Variants in PRIMA1 observed in about 807,000 individuals in gnomAD.
The protein encoded by PRIMA1 is proline-rich membrane anchor 1.
Under a neutral mutation model 17.5 loss-of-function variants are expected in PRIMA1, and 7 were observed. That is an observed-to-expected ratio of 0.40 (90% CI 0.23 to 0.75). The LOEUF (loss-of-function observed/expected upper bound fraction) is 0.75. Among genes scored for constraint, PRIMA1 ranks in the 30% least tolerant of loss-of-function variants. PRIMA1 has a pLI of 0.37. For synonymous variants in PRIMA1, 97 were observed against 77.9 expected (o/e 1.25, Z -1.29); for missense variants, 200 against 201.8 (o/e 0.99, Z 0.05).
At chr14:93,749,307 TTGA>T (rs2076246324) in intron 3 of PRIMA1, among the ~76,000 whole-genome samples, 1 of 152,194 alleles carries the variant, frequency 6.6e-6, no homozygotes, top group South Asian at 2.1e-4. Context: ...CCTCGCTGCC[TTGA>T]TGACTCCTCC....
At chr14:93,729,743 T>C (rs1431627361) in intron 4 of PRIMA1, among the ~76,000 whole-genome samples, 1 of 152,200 alleles carries the variant, frequency 6.6e-6, no homozygotes, top group Admixed American at 6.5e-5. Context: ...AGGAGGTAGA[T>C]GGCGGAGCTG....
At chr14:93,739,694 C>G (rs1036321656) in intron 3 of PRIMA1, among the ~76,000 whole-genome samples, 1 of 152,122 alleles carries the variant, frequency 6.6e-6, no homozygotes, top group African/African-American at 2.4e-5. Context: ...TATGTGCTTC[C>G]TAGTGAACCA....
intron 3 of PRIMA1, among the ~76,000 whole-genome samples, chr14:93,739,527 A>G (rs1358908317): frequency 1.3e-5 from 2 of 152,206 alleles, no homozygotes; most frequent in East Asian, 3.8e-4. Flanking sequence ...TGTGTGTATG[A>G]TAAACTTTAG....
At chr14:93,734,664 A>AC (rs1370671641) in intron 4 of PRIMA1, among the ~76,000 whole-genome samples, 2 of 118,390 alleles carry the variant, frequency 1.7e-5, no homozygotes, top group Admixed American at 1.8e-4. Flanking sequence ...CACCACCCAC[A>AC]CCCCTGGAAG....
intron 3 of PRIMA1, among the ~76,000 whole-genome samples, chr14:93,764,429 C>A (rs930329293): frequency 1.3e-5 from 2 of 151,774 alleles, no homozygotes; most frequent in Admixed American, 1.3e-4. Context: ...CATGTTCTGC[C>A]CCCCCGCCCC....
Position 93,720,112 on chromosome 14 carries a change from A to C in PRIMA1, c.*1332T>G, listed in dbSNP as rs1368366638. On this transcript the variant is annotated 3_prime_UTR_variant, in exon 5 of 5. Coordinates refer to ENST00000393140, the MANE Select transcript of PRIMA1 (RefSeq NM_178013.4). ...GCTCGACAGTGGAACCATTCAATGC[A>C]TTGGGCTCCTTCTGAGCACATATGT... 5.3e-5 allele frequency: 8 copies of C among 152,294 alleles called. No homozygotes were observed. Among genetic ancestry groups the C allele is most frequent in the Non-Finnish European group, 1.0e-4 (7 of 68,080 alleles). 9.4% of individuals were successfully genotyped at this position (152,294 alleles called of 1,614,324 possible).
intron 4 of PRIMA1, among the ~76,000 whole-genome samples, chr14:93,729,647 T>C (rs891794650): frequency 1.3e-5 from 2 of 152,150 alleles, no homozygotes; most frequent in Non-Finnish European, 2.9e-5. Flanking sequence ...ACTCTGCAGA[T>C]CAGCTGAAGG....
rs1885419323 is a variant in PRIMA1 at position 93,782,755 on chromosome 14, G to C, written c.94-3444C>G. Among the ~76,000 whole-genome samples, 3 of 152,208 alleles carry C rather than the reference G, an allele frequency of 2.0e-5. No homozygotes were observed. The South Asian group carries it at 6.2e-4, about 31-fold the overall frequency. ...GTCTGGTCCGTCCTTATGCCTGACGGCTGAGCCCCCACTGCAGTGTCCTGA... is the reference window on the plus strand; with the variant it reads ...GTCTGGTCCGTCCTTATGCCTGACGCCTGAGCCCCCACTGCAGTGTCCTGA... On this transcript the variant is annotated intron_variant, in intron 2 of 4. Coordinates refer to ENST00000393140, the MANE Select transcript of PRIMA1 (RefSeq NM_178013.4).
chr14:93,786,086 G>A (rs577264762), intron 2 of PRIMA1, among the ~76,000 whole-genome samples: 2 of 152,174 alleles, frequency 1.3e-5, no homozygotes, highest in African/African-American at 2.4e-5. Context: ...ACCTCACTAC[G>A]TTGCTTCCCA....
At chr14:93,779,436 G>A (rs909516899) in intron 2 of PRIMA1, 125 bp from the exon 3 acceptor site, 206 of 786,536 alleles carry the variant, frequency 2.6e-4, no homozygotes, top group Non-Finnish European at 3.4e-4. Flanking sequence ...CAAGACCAAG[G>A]CAGGAAGAAT....
intron 3 of PRIMA1, among the ~76,000 whole-genome samples, chr14:93,764,512 C>T (rs1884831997): frequency 6.6e-6 from 1 of 152,128 alleles, no homozygotes; most frequent in South Asian, 2.1e-4. Flanking sequence ...GTGAACTCTC[C>T]CTGCGGGTTC....
intron 3 of PRIMA1, 73 bp downstream of exon 3, chr14:93,779,103 C>G: frequency 2.0e-5 from 23 of 1,136,186 alleles, no homozygotes; most frequent in Non-Finnish European, 2.8e-5. Flanking sequence ...TGCCCTCGGC[C>G]ACACTCAGTG....
intron 3 of PRIMA1, among the ~76,000 whole-genome samples, chr14:93,740,614 C>T (rs1242090596): frequency 3.3e-5 from 5 of 152,206 alleles, no homozygotes; most frequent in African/African-American, 4.8e-5. Context: ...GGTCCAGGAC[C>T]ACAGACAGTC....
chr14:93,745,539 GC>G (rs1381733235), intron 3 of PRIMA1, among the ~76,000 whole-genome samples: 3 of 152,218 alleles, frequency 2.0e-5, no homozygotes, highest in African/African-American at 7.2e-5. Context: ...AGGGAGTGGG[GC>G]CTCCTTGCCC....
At chr14:93,727,045 G>A (rs1030208123) in intron 4 of PRIMA1, among the ~76,000 whole-genome samples, 4 of 152,134 alleles carry the variant, frequency 2.6e-5, no homozygotes, top group Non-Finnish European at 4.4e-5. Context: ...TCTGAGCCTC[G>A]AGGGCGTCAC....
chr14:93,741,506 CTG>C (rs1330072515), intron 3 of PRIMA1, among the ~76,000 whole-genome samples: 1 of 152,240 alleles, frequency 6.6e-6, no homozygotes, highest in Non-Finnish European at 1.5e-5. Flanking sequence ...ATCCAGCAAA[CTG>C]AGCACCCTCG....
intron 3 of PRIMA1, among the ~76,000 whole-genome samples, chr14:93,746,187 G>C (rs913752734): frequency 3.9e-5 from 6 of 152,112 alleles, no homozygotes; most frequent in Non-Finnish European, 7.4e-5. Flanking sequence ...GGACAGGAGA[G>C]GAAAAGTCTG....
At chr14:93,743,114 T>C (rs879574947) in intron 3 of PRIMA1, among the ~76,000 whole-genome samples, 2 of 152,090 alleles carry the variant, frequency 1.3e-5, no homozygotes, top group Non-Finnish European at 2.9e-5. Context: ...GTGAGAGCCA[T>C]GTTCTTGGTT....
intron 3 of PRIMA1, among the ~76,000 whole-genome samples, chr14:93,753,930 C>T (rs748849686): frequency 7.9e-5 from 12 of 152,188 alleles, no homozygotes; most frequent in African/African-American, 2.9e-4. Flanking sequence ...CACAGAGTCA[C>T]GGGCACCGTT....
Sources: gnomAD v4.1 joint callset for allele counts (sites outside exome capture counted in the v4.1 genomes callset) on GRCh38, gnomAD v4.1.1 for gene constraint, MANE v1.5 for transcripts, NCBI Gene and HGNC (gene_info 2026-07-23, HGNC 2026-07-21) for gene names.